PTPRD: variants seen among roughly 807,000 people sequenced by gnomAD.
The protein encoded by PTPRD is receptor-type tyrosine-protein phosphatase delta.
PTPRD carries 34 observed loss-of-function variants against 214.5 expected under a neutral mutation model. The ratio of observed to expected loss-of-function variants is 0.16; its 90% CI spans 0.12 to 0.21. The LOEUF is 0.21. Ranked by LOEUF, PTPRD falls within the 10% of genes least tolerant of loss-of-function variation. The probability of loss-of-function intolerance (pLI) is 1.00; values close to 1 mark genes in which losing one functional copy is unlikely to be tolerated. For missense variants in PTPRD, 2,545 were observed against 2,398.7 expected, an observed-to-expected ratio of 1.06 and a Z score of -1.27; for synonymous variants, 1,128 against 845.7, an observed-to-expected ratio of 1.33 and a Z score of -5.79.
intron 31 of PTPRD, among the ~76,000 whole-genome samples, chr9:8,468,964 A>C (rs2096599690): frequency 6.6e-6 from 1 of 151,922 alleles, no homozygotes; most frequent in South Asian, 2.1e-4. Flanking sequence ...ATCAGAAATA[A>C]TTTTCATTTT....
At chr9:9,149,894 T>C (rs2099875186) in intron 10 of PTPRD, among the ~76,000 whole-genome samples, 1 of 152,170 alleles carries the variant, frequency 6.6e-6, no homozygotes, top group Non-Finnish European at 1.5e-5. Flanking sequence ...GAGATAGTCT[T>C]TCCATTTAAG....
Position 9,468,191 on chromosome 9 carries a change from GT to G in PTPRD, c.-236-70710del, listed in dbSNP as rs910890888. On this transcript the variant is annotated intron_variant, in intron 8 of 45. Transcript: ENST00000381196. ...TAGGTAGTATTTAACTATTGATTCA[GT>G]TTTTTTATCGGTTTTTATTTTTTCT... Among the ~76,000 whole-genome samples, 4 of 151,186 alleles carry G rather than the reference GT, an allele frequency of 2.6e-5. No homozygotes were observed. The South Asian group carries it at 6.3e-4, about 24-fold the overall frequency.
chr9:9,888,592 C>A (rs1324468114), intron 5 of PTPRD, among the ~76,000 whole-genome samples: 1 of 152,050 alleles, frequency 6.6e-6, no homozygotes, highest in African/African-American at 2.4e-5. Flanking sequence ...CTGGCAATTC[C>A]TTCCCCTTTT....
intron 10 of PTPRD, among the ~76,000 whole-genome samples, chr9:9,067,853 T>G (rs1278503326): frequency 6.6e-6 from 1 of 152,124 alleles, no homozygotes; most frequent in Middle Eastern, 3.2e-3. Flanking sequence ...ATATGTGAGT[T>G]TATTTAGTTC....
intron 3 of PTPRD, among the ~76,000 whole-genome samples, chr9:10,148,535 A>G (rs2099039523): frequency 6.6e-6 from 1 of 152,244 alleles, no homozygotes; most frequent in Non-Finnish European, 1.5e-5. Context: ...AGAAGATACA[A>G]GGAAAGCAAA....
chr9:10,342,354 A>G (rs1366834136), intron 2 of PTPRD, among the ~76,000 whole-genome samples: 1 of 152,132 alleles, frequency 6.6e-6, no homozygotes, highest in East Asian at 1.9e-4. Flanking sequence ...AAGCACTCTA[A>G]TAGCTCTAAA....
At chr9:9,354,907 T>C (rs2053128063) in intron 9 of PTPRD, among the ~76,000 whole-genome samples, 1 of 151,688 alleles carries the variant, frequency 6.6e-6, no homozygotes, top group Admixed American at 6.6e-5. Flanking sequence ...GGATAGTCCA[T>C]GCCTGGCATT....
intron 7 of PTPRD, among the ~76,000 whole-genome samples, chr9:9,711,384 C>T (rs994291113): frequency 6.6e-6 from 1 of 151,980 alleles, no homozygotes; most frequent in Non-Finnish European, 1.5e-5. Context: ...TACTGTACTT[C>T]GTTGGTAATA....
chr9:9,839,713 G>A (rs201303102), intron 5 of PTPRD, among the ~76,000 whole-genome samples: 3 of 151,984 alleles, frequency 2.0e-5, no homozygotes, highest in Admixed American at 6.6e-5. Flanking sequence ...TTTAAAGTTC[G>A]TATGGAACCA....
chr9:9,760,653 CAT>C (rs142175928), intron 6 of PTPRD, among the ~76,000 whole-genome samples: 3,100 of 60,932 alleles, frequency 0.051, 198 homozygotes, highest in East Asian at 0.29. Flanking sequence ...CACACACACA[CAT>C]ATATATATAT....
chr9:8,725,529 T>G (rs1157422557), intron 12 of PTPRD, among the ~76,000 whole-genome samples: 3 of 152,138 alleles, frequency 2.0e-5, no homozygotes, highest in African/African-American at 7.2e-5. Flanking sequence ...CTGCTCAAAT[T>G]GTGAAGTTAA....
chr9:9,641,152 G>A (rs1225969339), intron 7 of PTPRD, among the ~76,000 whole-genome samples: 2 of 152,218 alleles, frequency 1.3e-5, no homozygotes, highest in Non-Finnish European at 2.9e-5. Context: ...TTTCTGAACT[G>A]TTCTGTTGAT....
chr9:10,116,892 T>C (rs1425950646), intron 3 of PTPRD, among the ~76,000 whole-genome samples: 2 of 152,118 alleles, frequency 1.3e-5, no homozygotes, highest in African/African-American at 4.8e-5. Context: ...TTTTCCCCAA[T>C]ATATGCATAA....
intron 5 of PTPRD, among the ~76,000 whole-genome samples, chr9:9,924,084 G>C (rs1566369467): frequency 6.6e-6 from 1 of 151,922 alleles, no homozygotes; most frequent in Non-Finnish European, 1.5e-5. Context: ...TGTAAACCTA[G>C]AGAATAATAT....
chr9:8,935,263 A>T (rs2098989128), intron 11 of PTPRD, among the ~76,000 whole-genome samples: 1 of 152,210 alleles, frequency 6.6e-6, no homozygotes, highest in Non-Finnish European at 1.5e-5. Context: ...AAGTTGCAGA[A>T]TACAAAATCA....
At chr9:8,395,665 G>C (rs932262378) in intron 36 of PTPRD, among the ~76,000 whole-genome samples, 10 of 151,868 alleles carry the variant, frequency 6.6e-5, no homozygotes, top group Non-Finnish European at 1.5e-4. Context: ...TGTTCTGTGG[G>C]CATCGTAGCT....
intron 2 of PTPRD, among the ~76,000 whole-genome samples, chr9:10,542,587 CTTAT>C (rs1216194080): frequency 4.6e-5 from 7 of 151,982 alleles, no homozygotes; most frequent in Admixed American, 2.0e-4. Flanking sequence ...ATAAACATTT[CTTAT>C]TTATTTTTCT....
intron 7 of PTPRD, among the ~76,000 whole-genome samples, chr9:9,696,724 C>G (rs536799863): frequency 1.3e-3 from 193 of 152,186 alleles, no homozygotes; most frequent in African/African-American, 4.6e-3. Context: ...TTGTAGGCAG[C>G]ATATAGTTGT....
intron 2 of PTPRD, among the ~76,000 whole-genome samples, chr9:10,518,012 C>G (rs1046315577): frequency 1.3e-5 from 2 of 152,058 alleles, no homozygotes; most frequent in Non-Finnish European, 2.9e-5. Flanking sequence ...TAAATATATA[C>G]AGGTATAAAT....
Sources: gnomAD v4.1 joint callset for allele counts (sites outside exome capture counted in the v4.1 genomes callset) on GRCh38, gnomAD v4.1.1 for gene constraint, MANE v1.5 for transcripts, NCBI Gene and HGNC (gene_info 2026-07-23, HGNC 2026-07-21) for gene names.